Variants in KSR1 observed in about 807,000 individuals in gnomAD.
KSR1 encodes kinase suppressor of ras.
A neutral mutation model predicts 92.9 loss-of-function variants in KSR1; 35 were observed. That is an observed-to-expected ratio of 0.38 (90% CI 0.29 to 0.50). The LOEUF (loss-of-function observed/expected upper bound fraction) is 0.50, where lower values mean the gene tolerates loss of function less well. Ranked by LOEUF, KSR1 falls within the 20% of genes least tolerant of loss-of-function variation. The pLI is 0.94. For missense variants in KSR1, 972 were observed against 1,158.5 expected (o/e 0.84, Z 2.34); for synonymous variants, 467 against 472.6 (o/e 0.99, Z 0.15).
In KSR1 at chr17:27,609,253, G is replaced by A. The variant is rs200491363; in HGVS notation, c.2149G>A (p.Val717Ile). ...ACACAAAGATCTCAAATCTAAGAAC[G>A]TCTTCTATGACAACGGCAAGGTGGT... The part of the protein sequence containing the change: ...IVHKDLKSKN[V>I]FYDNGKVVIT... Residue 717 changes from valine (V) to isoleucine (I), a missense_variant, in exon 16 of 21, where the codon GTC becomes ATC. Coordinates refer to ENST00000644974, the MANE Select transcript of KSR1 (RefSeq NM_001394583.1). 2.5e-4 allele frequency: 408 copies of A among 1,613,958 alleles called. No individual in the cohort carries two copies. The highest frequency in any genetic ancestry group is 6.7e-4 in the Admixed American group (40 of 60,024).
intron 2 of KSR1, 101 bp downstream of exon 2, chr17:27,550,809 G>A (rs966929386): frequency 1.5e-6 from 1 of 664,588 alleles, no homozygotes; most frequent in Non-Finnish European, 2.8e-6. Context: ...AAGACTAAGG[G>A]TTGATGCTCT....
intron 2 of KSR1, among the ~76,000 whole-genome samples, chr17:27,574,282 A>C (rs1002995466): frequency 2.0e-5 from 3 of 152,214 alleles, no homozygotes; most frequent in African/African-American, 7.2e-5. Flanking sequence ...AGACATGTTG[A>C]TTGTATAGAA....
intron 2 of KSR1, 107 bp downstream of exon 2, chr17:27,550,815 G>A: frequency 1.5e-6 from 1 of 655,008 alleles, no homozygotes; most frequent in South Asian, 1.6e-5. Flanking sequence ...AAGGGTTGAT[G>A]CTCTCTAGTC....
In KSR1 at chr17:27,592,512, T is replaced by G; in HGVS notation, c.1193-8T>G. 1 of 1,613,898 alleles carries G rather than the reference T, an allele frequency of 6.2e-7. No individual in the cohort carries two copies. The highest frequency in any genetic ancestry group is 8.5e-7 in the Non-Finnish European group (1 of 1,179,792). ...CCCTGGTGATGGGTTTTCCCTCTTTTCAAACAGTAACTCGGCTTCGGAGGA... is the reference window on the plus strand; with the variant it reads ...CCCTGGTGATGGGTTTTCCCTCTTTGCAAACAGTAACTCGGCTTCGGAGGA... On this transcript the variant is annotated splice_region_variant and splice_polypyrimidine_tract_variant and intron_variant, in intron 8 of 20. Coordinates refer to ENST00000644974, the MANE Select transcript of KSR1 (RefSeq NM_001394583.1).
At chr17:27,609,922 G>T in intron 16 of KSR1, 145 bp from the exon 17 acceptor site, 1 of 995,204 alleles carries the variant, frequency 1.0e-6, no homozygotes, top group Non-Finnish European at 1.5e-6. Context: ...CCTTTCCCAA[G>T]TGCAGGGTCA....
intron 1 of KSR1, among the ~76,000 whole-genome samples, chr17:27,511,464 G>C (rs144705024): frequency 6.6e-6 from 1 of 152,310 alleles, no homozygotes; most frequent in African/African-American, 2.4e-5. Context: ...GGGGAGCATT[G>C]TTGGTCACTT....
intron 1 of KSR1, among the ~76,000 whole-genome samples, chr17:27,496,985 T>C (rs1010592681): frequency 6.6e-6 from 1 of 152,222 alleles, no homozygotes; most frequent in Non-Finnish European, 1.5e-5. Flanking sequence ...TCTTTTTGCG[T>C]AAGCAGAAAG....
intron 6 of KSR1, among the ~76,000 whole-genome samples, chr17:27,589,990 T>C (rs1046733489): frequency 9.9e-5 from 15 of 152,234 alleles, no homozygotes; most frequent in Non-Finnish European, 2.1e-4. Context: ...TACACAATCC[T>C]ATACTCTGTT....
intron 1 of KSR1, among the ~76,000 whole-genome samples, chr17:27,491,603 A>G (rs1167033481): frequency 1.3e-5 from 2 of 152,104 alleles, no homozygotes; most frequent in African/African-American, 4.8e-5. Context: ...TTTACTTTAT[A>G]GTTTTCCCCT....
chr17:27,538,011 TA>T (rs1426680413), intron 1 of KSR1, among the ~76,000 whole-genome samples: 1 of 152,234 alleles, frequency 6.6e-6, no homozygotes, highest in African/African-American at 2.4e-5. Flanking sequence ...TTGGACTTCA[TA>T]AAAATTAGCT....
chr17:27,479,118 CTGTGCTCCTGTCTCCCTG>C (rs2068435902), intron 1 of KSR1, among the ~76,000 whole-genome samples: 1 of 149,842 alleles, frequency 6.7e-6, no homozygotes, highest in Non-Finnish European at 1.5e-5. Context: ...CTCTCTCCCT[CTGTGCTCCTGTCTCCCTG>C]TGTGCTCCTC....
intron 5 of KSR1, chr17:27,587,424 T>G (rs943057098): frequency 1.3e-5 from 2 of 152,162 alleles, no homozygotes; most frequent in African/African-American, 4.8e-5. Flanking sequence ...AGACCAGCAC[T>G]TGGGATTGAG....
chr17:27,603,802 C>A (rs1285977131), intron 11 of KSR1, 32 bp from the exon 12 acceptor site: 1 of 1,610,300 alleles, frequency 6.2e-7, no homozygotes, highest in Non-Finnish European at 8.5e-7. Flanking sequence ...AAAGCAATCT[C>A]ATGCTTTGTG....
chr17:27,490,163 G>A (rs1474295), intron 1 of KSR1, among the ~76,000 whole-genome samples: 18,585 of 152,170 alleles, frequency 0.12, 1,238 homozygotes, highest in South Asian at 0.26. Context: ...CTAAGTCTCC[G>A]TTTCTGCATT....
intron 1 of KSR1, among the ~76,000 whole-genome samples, chr17:27,467,715 C>G (rs1167173001): frequency 2.6e-5 from 4 of 151,882 alleles, no homozygotes; most frequent in Non-Finnish European, 5.9e-5. Context: ...CTCTAAGGGC[C>G]TTTAGTTTAA....
intron 1 of KSR1, among the ~76,000 whole-genome samples, chr17:27,535,534 C>T (rs1395034495): frequency 1.3e-5 from 2 of 152,158 alleles, no homozygotes; most frequent in Non-Finnish European, 2.9e-5. Flanking sequence ...ATTTCACAGC[C>T]GGTTGCTCTC....
intron 1 of KSR1, among the ~76,000 whole-genome samples, chr17:27,508,761 G>T (rs1249393855): frequency 7.2e-6 from 1 of 139,278 alleles, no homozygotes; most frequent in African/African-American, 2.8e-5. Flanking sequence ...GTAGAGTCTT[G>T]CTCTGTTGCC....
chr17:27,564,736 A>ACCCCCCC (rs34194473), intron 2 of KSR1, among the ~76,000 whole-genome samples: 3 of 101,384 alleles, frequency 3.0e-5, no homozygotes, highest in Admixed American at 1.1e-4. Flanking sequence ...AAGATGGAAG[A>ACCCCCCC]CCCCCCCCCC....
chr17:27,458,754 G>T (rs1029009312), intron 1 of KSR1, among the ~76,000 whole-genome samples: 1 of 152,150 alleles, frequency 6.6e-6, no homozygotes, highest in Non-Finnish European at 1.5e-5. Flanking sequence ...TCCTGAAAAG[G>T]CAGGGCCTGG....
Sources: gnomAD v4.1 joint callset for allele counts (sites outside exome capture counted in the v4.1 genomes callset) on GRCh38, gnomAD v4.1.1 for gene constraint, MANE v1.5 for transcripts, NCBI Gene and HGNC (gene_info 2026-07-23, HGNC 2026-07-21) for gene names.